The following COL4A4 variants were observed in gnomAD, a reference collection of about 807,000 sequenced individuals.
The protein encoded by COL4A4 is collagen type IV alpha 4 chain, also known as collagen alpha-4(IV) chain.
In COL4A4, 105 loss-of-function variants were observed where a neutral mutation model predicts 192.9. That is an observed-to-expected ratio of 0.54 (90% CI 0.46 to 0.64). The LOEUF is 0.64. Ranked by LOEUF, COL4A4 falls within the 30% of genes least tolerant of loss-of-function variation. COL4A4 has a pLI of 0.00. For synonymous variants in COL4A4, 762 were observed against 769.9 expected (o/e 0.99, Z 0.17); for missense variants, 1,967 against 2,169.3 (o/e 0.91, Z 1.85).
At chr2:227,015,537 G>T (rs974535262) in intron 44 of COL4A4, among the ~76,000 whole-genome samples, 1 of 152,046 alleles carries the variant, frequency 6.6e-6, no homozygotes, top group African/African-American at 2.4e-5. Flanking sequence ...CTACCCCCAG[G>T]TTCAGCTCCC....
At chr2:227,007,655 C>T in intron 47 of COL4A4, 67 bp from the exon 48 acceptor site, 1 of 1,598,244 alleles carries the variant, frequency 6.3e-7, no homozygotes, top group Non-Finnish European at 8.6e-7. Flanking sequence ...CAATCAGGGA[C>T]ACACCCAGGT....
intron 19 of COL4A4, among the ~76,000 whole-genome samples, chr2:227,096,988 T>G (rs2060238137): frequency 6.6e-6 from 1 of 152,198 alleles, no homozygotes; most frequent in Admixed American, 6.5e-5. Context: ...ACAAATTATA[T>G]ATACAAGTAT....
chr2:227,074,192 C>T (rs1328655000), intron 25 of COL4A4, among the ~76,000 whole-genome samples: 1 of 151,680 alleles, frequency 6.6e-6, no homozygotes, highest in African/African-American at 2.4e-5. Context: ...AGAACTCAAA[C>T]AAAACACCAA....
At position 227,006,433 on chromosome 2, in the gene COL4A4, A is replaced by T. The variant is rs1433506561; in HGVS notation, c.*892T>A. On this transcript the variant is annotated 3_prime_UTR_variant, in exon 48 of 48. Coordinates refer to ENST00000396625, the MANE Select transcript of COL4A4 (RefSeq NM_000092.5). ...CACGCACGCACCTGTGACACGCCGGACCCCGACTGGGGAAAAGCAGTCTGT... is the reference window on the plus strand; with the variant it reads ...CACGCACGCACCTGTGACACGCCGGTCCCCGACTGGGGAAAAGCAGTCTGT... The T allele has an allele frequency of 6.6e-6, 1 of 152,586 alleles. No individual in the cohort carries two copies. Among genetic ancestry groups the T allele is most frequent in the Non-Finnish European group, 1.5e-5 (1 of 68,040 alleles). 9.5% of individuals were successfully genotyped at this position (152,586 alleles called of 1,614,324 possible).
At chr2:227,109,126 C>T (rs768895663) in intron 10 of COL4A4, 98 bp downstream of exon 10, 29 of 1,136,324 alleles carry the variant, frequency 2.6e-5, no homozygotes, top group Middle Eastern at 1.9e-4. Context: ...ATCTCTCAAA[C>T]GGCCCACCTG....
intron 35 of COL4A4, among the ~76,000 whole-genome samples, chr2:227,046,666 A>G (rs575793103): frequency 1.3e-5 from 2 of 152,192 alleles, no homozygotes; most frequent in East Asian, 3.9e-4. Context: ...GTAAACATAT[A>G]TGAGTTAAAC....
At chr2:227,118,287 C>G (rs564723153) in intron 7 of COL4A4, among the ~76,000 whole-genome samples, 2 of 152,294 alleles carry the variant, frequency 1.3e-5, no homozygotes, top group South Asian at 4.1e-4. Context: ...GAATGATAAA[C>G]AATTTACATT....
chr2:227,129,562 C>G (rs2062298560), intron 4 of COL4A4, among the ~76,000 whole-genome samples: 1 of 152,086 alleles, frequency 6.6e-6, no homozygotes, highest in African/African-American at 2.4e-5. Flanking sequence ...GCGGCCACCA[C>G]CACGCCTGGC....
intron 23 of COL4A4, among the ~76,000 whole-genome samples, chr2:227,081,683 G>A (rs2059334181): frequency 6.6e-6 from 1 of 152,016 alleles, no homozygotes; most frequent in Non-Finnish European, 1.5e-5. Flanking sequence ...TGTCCCTGGG[G>A]AACTCTTACT....
intron 22 of COL4A4, among the ~76,000 whole-genome samples, chr2:227,085,635 G>C (rs145515850): frequency 2.0e-5 from 3 of 152,228 alleles, no homozygotes; most frequent in East Asian, 3.9e-4. Flanking sequence ...GTGAGAGAGG[G>C]AGCAAGAGAG....
chr2:226,994,930 G>T, the COL4A4 span, among the ~76,000 whole-genome samples: 1 of 152,090 alleles, frequency 6.6e-6, no homozygotes, highest in Non-Finnish European at 1.5e-5. Context: ...CTCTGCTCCA[G>T]TGGTTGCTTG....
chr2:227,044,836 T>C (rs12618793), intron 35 of COL4A4, among the ~76,000 whole-genome samples: 77,689 of 151,960 alleles, frequency 0.51, 19,998 homozygotes, highest in South Asian at 0.63. Context: ...AAATAGTGTA[T>C]TAAGTAAACT....
intron 37 of COL4A4, among the ~76,000 whole-genome samples, chr2:227,034,015 G>A (rs1238955644): frequency 2.6e-5 from 4 of 152,224 alleles, no homozygotes; most frequent in African/African-American, 4.8e-5. Context: ...CCTGCATGGC[G>A]AGTGTGGCTC....
At chr2:226,989,070 TCTC>T in the COL4A4 span, among the ~76,000 whole-genome samples, 4 of 152,350 alleles carry the variant, frequency 2.6e-5, no homozygotes, top group African/African-American at 9.6e-5. Flanking sequence ...AACTGGAACA[TCTC>T]ATGTCTGAAG....
At chr2:227,045,455 A>G (rs2894627) in intron 35 of COL4A4, among the ~76,000 whole-genome samples, 51,942 of 150,334 alleles carry the variant, frequency 0.35, 9,520 homozygotes, top group South Asian at 0.5. Flanking sequence ...TACTTCAGTT[A>G]TACAGTTCAG....
At chr2:227,011,949 A>C (rs1049873618) in intron 45 of COL4A4, among the ~76,000 whole-genome samples, 2 of 152,200 alleles carry the variant, frequency 1.3e-5, no homozygotes, top group Admixed American at 6.5e-5. Context: ...AAAATACTGA[A>C]TAGGATGCAG....
At chr2:226,995,815 C>G in the COL4A4 span, 1 of 391,240 alleles carries the variant, frequency 2.6e-6, no homozygotes, top group South Asian at 4.4e-5. Context: ...ATGCCTCTGC[C>G]TCGGTCTGCT....
Position 227,119,940 on chromosome 2 carries a change from C to A in COL4A4, c.328-1G>T. 6.4e-7 allele frequency: 1 copy of A among 1,574,788 alleles called. No individual in the cohort carries two copies. The highest frequency in any genetic ancestry group is 2.3e-5 in the East Asian group (1 of 43,108). On this transcript the variant is annotated splice_acceptor_variant, in intron 5 of 47. Transcript: ENST00000396625. LOFTEE classifies it high-confidence loss of function. ...GAAATCCAGGAACACCAGTTGGACC[C>A]TAAAATCCCAGAAAATAAAACAAAG...
In COL4A4 at chr2:227,050,885, G is replaced by T. The variant is rs2272204; in HGVS notation, c.3150+92C>A. 722,773 of 1,444,902 alleles carry T rather than the reference G, an allele frequency of 0.5. 182,679 individuals are homozygous for T. Among genetic ancestry groups the T allele is most frequent in the South Asian group, 0.64 (55,538 of 86,992 alleles). 89.5% of individuals were successfully genotyped at this position (1,444,902 alleles called of 1,614,324 possible). On this transcript the variant is annotated intron_variant, in intron 33 of 47. Coordinates refer to ENST00000396625, the MANE Select transcript of COL4A4 (RefSeq NM_000092.5). ...TCTAAAAGCCAGTGAAAGGGCAATG[G>T]TATATACGCTGGCAAATTATAGCTC...
Sources: gnomAD v4.1 joint callset for allele counts (sites outside exome capture counted in the v4.1 genomes callset) on GRCh38, gnomAD v4.1.1 for gene constraint, MANE v1.5 for transcripts, NCBI Gene and HGNC (gene_info 2026-07-23, HGNC 2026-07-21) for gene names.